Variants in WDR62 observed in about 807,000 individuals in gnomAD.
WDR62 encodes WD repeat domain 62.
A neutral mutation model predicts 160.6 loss-of-function variants in WDR62; 112 were observed. That is an observed-to-expected ratio of 0.70 (90% CI 0.60 to 0.82). WDR62 has a LOEUF of 0.82. Ranked by LOEUF, WDR62 falls within the 40% of genes least tolerant of loss-of-function variation. The pLI is 0.00. For missense variants in WDR62, 1,819 were observed against 1,983.8 expected (o/e 0.92, Z 1.58); for synonymous variants, 792 against 815.1 (o/e 0.97, Z 0.48).
intron 22 of WDR62, among the ~76,000 whole-genome samples, chr19:36,100,437 C>G (rs1973258357): frequency 1.3e-5 from 2 of 152,220 alleles, no homozygotes; most frequent in Non-Finnish European, 2.9e-5. Flanking sequence ...CTGCCCTTCC[C>G]AGTCAGGTCC....
intron 9 of WDR62, chr19:36,074,287 CAGTG>C (rs1433938101): frequency 2.0e-5 from 3 of 150,922 alleles, no homozygotes; most frequent in Admixed American, 6.6e-5. Flanking sequence ...GCCTGGGTAA[CAGTG>C]AGACCATGTC....
chr19:36,058,374 T>C (rs1223131940), intron 1 of WDR62, among the ~76,000 whole-genome samples: 1 of 152,078 alleles, frequency 6.6e-6, no homozygotes, highest in East Asian at 1.9e-4. Flanking sequence ...AAAAAGTACT[T>C]AGAAACTTAT....
chr19:36,091,103 T>C, intron 16 of WDR62, 97 bp from the exon 17 acceptor site: 1 of 1,026,798 alleles, frequency 9.7e-7, no homozygotes, highest in South Asian at 1.3e-5. Context: ...CAGAGTCCCA[T>C]GTGCTGTGCA....
intron 20 of WDR62, among the ~76,000 whole-genome samples, chr19:36,094,549 G>A (rs1009213392): frequency 2.7e-5 from 4 of 149,222 alleles, no homozygotes; most frequent in Admixed American, 6.7e-5. Flanking sequence ...GCAAGACTCC[G>A]TCTCAAAAAT....
At chr19:36,070,890 GT>G (rs1971260019) in intron 7 of WDR62, 1 of 153,424 alleles carries the variant, frequency 6.5e-6, no homozygotes, top group Non-Finnish European at 1.5e-5. Flanking sequence ...TTATGAAGTT[GT>G]TTGTAAGCAA....
intron 24 of WDR62, 89 bp downstream of exon 24, chr19:36,101,406 C>A: frequency 2.5e-6 from 3 of 1,192,366 alleles, no homozygotes; most frequent in Non-Finnish European, 3.7e-6. Context: ...TGACCCAGTA[C>A]TGAAGCTCAG....
intron 30 of WDR62, 44 bp from the exon 31 acceptor site, chr19:36,104,474 A>G (rs59394969): frequency 4.3e-6 from 7 of 1,610,516 alleles, no homozygotes; most frequent in African/African-American, 1.3e-5. Flanking sequence ...GCTCACACCA[A>G]TGGAATGCAG....
chr19:36,064,570 C>T (rs1423420430), intron 3 of WDR62, among the ~76,000 whole-genome samples: 4 of 151,862 alleles, frequency 2.6e-5, no homozygotes, highest in African/African-American at 7.3e-5. Flanking sequence ...TGAGCCACCG[C>T]GCCCAGCCCC....
chr19:36,071,523 C>T (rs1257530018), intron 7 of WDR62, 33 bp from the exon 8 acceptor site: 1 of 1,614,220 alleles, frequency 6.2e-7, no homozygotes, highest in East Asian at 2.2e-5. Flanking sequence ...ACGTGAAGCA[C>T]CAAATCCACT....
Position 36,104,528 on chromosome 19 carries a change from T to C in WDR62, c.4164T>C (p.Gly1388=), listed in dbSNP as rs200635628. 1.9e-6 allele frequency: 3 copies of C among 1,613,682 alleles called. No individual in the cohort carries two copies. The highest frequency in any genetic ancestry group is 2.5e-6 in the Non-Finnish European group (3 of 1,179,956). The change falls in exon 31 of 32, where the codon GGT becomes GGC. Residue 1388 remains glycine (G), a synonymous_variant. Transcript: ENST00000401500. ...TTCTCTCTACCCCAGGTGCACTTGG[T>C]CTGTTACAGGGCAGCCCTGCCCGCT... ...SLLEPTSGAL[G]LLQGSPARWS... is the part of the protein sequence containing the mutation.
intron 22 of WDR62, among the ~76,000 whole-genome samples, chr19:36,100,136 G>C (rs550993498): frequency 2.0e-4 from 31 of 152,258 alleles, no homozygotes; most frequent in Non-Finnish European, 4.1e-4. Flanking sequence ...GTTTTTAAAT[G>C]GTAATAACAA....
intron 11 of WDR62, among the ~76,000 whole-genome samples, chr19:36,083,661 T>G (rs1438891272): frequency 6.6e-6 from 1 of 152,050 alleles, no homozygotes; most frequent in African/African-American, 2.4e-5. Context: ...CTGTTGAGGT[T>G]TGGCAGGATG....
intron 25 of WDR62, 116 bp downstream of exon 25, chr19:36,101,890 C>T: frequency 6.5e-7 from 1 of 1,546,828 alleles, no homozygotes; most frequent in South Asian, 1.1e-5. Flanking sequence ...AGACGGGGAT[C>T]CCTGCTTCTC....
intron 16 of WDR62, among the ~76,000 whole-genome samples, chr19:36,090,753 T>G (rs1972547217): frequency 6.6e-6 from 1 of 152,184 alleles, no homozygotes; most frequent in African/African-American, 2.4e-5. Flanking sequence ...GGTTCCATTT[T>G]GAGTGGCAGC....
chr19:36,082,332 G>A (rs979747523), intron 10 of WDR62, among the ~76,000 whole-genome samples: 1 of 152,204 alleles, frequency 6.6e-6, no homozygotes, highest in African/African-American at 2.4e-5. Context: ...GCAGCTTCCC[G>A]CGGAAGGGAC....
chr19:36,080,396 G>T (rs1971828303), intron 9 of WDR62, among the ~76,000 whole-genome samples: 1 of 151,862 alleles, frequency 6.6e-6, no homozygotes, highest in Admixed American at 6.6e-5. Flanking sequence ...TTACAGGCGG[G>T]AGCCACCATG....
chr19:36,059,586 C>T (rs1970539171), intron 2 of WDR62, among the ~76,000 whole-genome samples: 1 of 152,142 alleles, frequency 6.6e-6, no homozygotes, highest in Non-Finnish European at 1.5e-5. Context: ...ACTACAGGCA[C>T]ATGCCACCAC....
intron 13 of WDR62, among the ~76,000 whole-genome samples, chr19:36,088,564 A>C (rs781319435): frequency 1.7e-4 from 26 of 152,194 alleles, no homozygotes; most frequent in Non-Finnish European, 2.5e-4. Context: ...GGACTCTGTG[A>C]ACCTCTGTGT....
chr19:36,065,100 G>C (rs1970864191), intron 3 of WDR62, among the ~76,000 whole-genome samples: 1 of 152,200 alleles, frequency 6.6e-6, no homozygotes, highest in Non-Finnish European at 1.5e-5. Flanking sequence ...AGCTGTACCT[G>C]CATAGTTGCA....
Sources: allele counts gnomAD v4.1 joint callset (sites outside exome capture counted in the v4.1 genomes callset), GRCh38; gene constraint gnomAD v4.1.1; transcripts MANE v1.5; gene names NCBI Gene and HGNC (gene_info 2026-07-23, HGNC 2026-07-21).